The following FARS2 variants were observed in gnomAD, a reference collection of about 807,000 sequenced individuals.
The protein encoded by FARS2 is phenylalanyl-tRNA synthetase 2, mitochondrial, also known as phenylalanine--tRNA ligase, mitochondrial.
Under a neutral mutation model 46.4 loss-of-function variants are expected in FARS2, and 40 were observed. The observed-to-expected ratio is 0.86, with a 90% CI of 0.67 to 1.12. The LOEUF (loss-of-function observed/expected upper bound fraction) is 1.12, where lower values mean the gene tolerates loss of function less well. FARS2 is among the 50% of genes most tolerant of loss of function. The probability of loss-of-function intolerance (pLI) is 0.00; values close to 1 mark genes in which losing one functional copy is unlikely to be tolerated. For missense variants in FARS2, 513 were observed against 567.9 expected (o/e 0.90, Z 0.98); for synonymous variants, 234 against 214.9 (o/e 1.09, Z -0.78).
At chr6:5,286,021 G>C (rs896262694) in intron 1 of FARS2, among the ~76,000 whole-genome samples, 3 of 149,618 alleles carry the variant, frequency 2.0e-5, no homozygotes, top group Non-Finnish European at 3.0e-5. Context: ...TTTCACATGT[G>C]ATAGCTGTTC....
rs549567462 is a variant in FARS2, at chr6:5,307,473, T to A, written c.-22+45813T>A. On this transcript the variant is annotated intron_variant, in intron 1 of 6. Coordinates refer to ENST00000274680, the MANE Select transcript of FARS2 (RefSeq NM_006567.5). ...ATTTTCATAAGGTCTATGAGGCATT[T>A]TGATATTTTACACACACGCGTGCAC... Among the ~76,000 whole-genome samples the A allele has an allele frequency of 9.8e-5, 15 of 152,320 alleles. No homozygotes were observed. The South Asian group carries it at 2.9e-3, about 29-fold the overall frequency.
At chr6:5,522,847 A>T (rs1310956624) in intron 4 of FARS2, among the ~76,000 whole-genome samples, 1 of 152,244 alleles carries the variant, frequency 6.6e-6, no homozygotes, top group East Asian at 1.9e-4. Context: ...TACTTAGTTT[A>T]ACATGATGTG....
chr6:5,573,424 A>G (rs1003990725), intron 5 of FARS2, among the ~76,000 whole-genome samples: 7 of 152,174 alleles, frequency 4.6e-5, no homozygotes, highest in African/African-American at 1.7e-4. Flanking sequence ...GTGCGTGCAT[A>G]TAGACACGTG....
At chr6:5,604,295 G>A (rs559031127) in intron 5 of FARS2, among the ~76,000 whole-genome samples, 11 of 152,338 alleles carry the variant, frequency 7.2e-5, no homozygotes, top group African/African-American at 2.4e-4. Context: ...ACTCCTTGAG[G>A]CTTGCTGTTT....
At chr6:5,260,598 T>TGCCCCGGCCCCGGGGCC, upstream of FARS2, 1 of 1,105,568 alleles carries the variant, frequency 9.0e-7, no homozygotes, top group Non-Finnish European at 1.3e-6. Flanking sequence ...GCACCCCCGG[T>TGCCCCGGCCCCGGGGCC]CCCCGGCCCC....
intron 4 of FARS2, among the ~76,000 whole-genome samples, chr6:5,450,681 C>T (rs1455285487): frequency 1.0e-4 from 7 of 69,594 alleles, no homozygotes; most frequent in African/African-American, 1.4e-4. Flanking sequence ...CCAGACTTGG[C>T]GTGTGGGAGG....
chr6:5,655,095 G>A (rs1428736085), intron 6 of FARS2, among the ~76,000 whole-genome samples: 1 of 152,164 alleles, frequency 6.6e-6, no homozygotes, highest in East Asian at 1.9e-4. Flanking sequence ...AGTTTCAGGG[G>A]AGTCAAAGGT....
chr6:5,602,299 T>G (rs1305917406), intron 5 of FARS2, among the ~76,000 whole-genome samples: 1 of 152,162 alleles, frequency 6.6e-6, no homozygotes, highest in Non-Finnish European at 1.5e-5. Flanking sequence ...TTCTTGAGAA[T>G]GTTTATGAAC....
intron 1 of FARS2, among the ~76,000 whole-genome samples, chr6:5,271,186 C>A (rs62385049): frequency 6.6e-6 from 1 of 152,112 alleles, no homozygotes; most frequent in Non-Finnish European, 1.5e-5. Flanking sequence ...TCTTCTCTAA[C>A]GTAAATTTTA....
At chr6:5,566,133 G>T (rs1006814968) in intron 5 of FARS2, among the ~76,000 whole-genome samples, 2 of 152,166 alleles carry the variant, frequency 1.3e-5, no homozygotes, top group African/African-American at 4.8e-5. Context: ...GGAGAAGACA[G>T]CGTAGTGCTT....
In FARS2 at chr6:5,711,359, A is replaced by G. The variant is rs189740959; in HGVS notation, c.1218-59932A>G. Reference sequence around the variant, plus strand: ...CATGCACAGGAATTCCAAGTAATTCATACTCTTCCCCCAACAAGGTGGAAC... The same window carrying G: ...CATGCACAGGAATTCCAAGTAATTCGTACTCTTCCCCCAACAAGGTGGAAC... On this transcript the variant is annotated intron_variant, in intron 6 of 6. Transcript: ENST00000274680. 3.9e-4 allele frequency among the ~76,000 whole-genome samples: 60 copies of G among 152,336 alleles called. 1 individual carries two copies. The highest frequency in any genetic ancestry group is 1.4e-3 in the African/African-American group (57 of 41,566).
At chr6:5,355,523 AT>A (rs1317068174) in intron 1 of FARS2, among the ~76,000 whole-genome samples, 2 of 151,372 alleles carry the variant, frequency 1.3e-5, no homozygotes, top group African/African-American at 4.9e-5. Context: ...TGCCCGGCTA[AT>A]TTTTTTGTAA....
intron 6 of FARS2, among the ~76,000 whole-genome samples, chr6:5,709,326 A>G (rs1324640110): frequency 6.6e-6 from 1 of 152,100 alleles, no homozygotes; most frequent in South Asian, 2.1e-4. Context: ...CACCTTTTCC[A>G]TCCCAGCTGC....
chr6:5,332,281 C>T (rs1173286772), intron 1 of FARS2, among the ~76,000 whole-genome samples: 5 of 152,186 alleles, frequency 3.3e-5, no homozygotes, highest in Non-Finnish European at 1.5e-5. Flanking sequence ...TTTGCAGGGG[C>T]ATAGCACATC....
At position 5,471,596 on chromosome 6, in the gene FARS2, C is replaced by G. The variant is rs1765810282; in HGVS notation, c.904+40424C>G. Among the ~76,000 whole-genome samples the G allele has an allele frequency of 6.6e-6, 1 of 152,188 alleles. No homozygotes were observed. Among genetic ancestry groups the G allele is most frequent in the African/African-American group, 2.4e-5 (1 of 41,450 alleles). The stretch of plus-strand genomic sequence containing the variant: ...TTGTTAGATAGCTATTCTAGTGGCT[C>G]TTTGCTTTTAACCAACAAAGGCCCT... On this transcript the variant is annotated intron_variant, in intron 4 of 6. Transcript: ENST00000274680. The surrounding 1 kb of genome is among the most constrained non-coding windows in gnomAD (Gnocchi z 4.1).
chr6:5,444,391 C>T (rs751344246), intron 4 of FARS2, among the ~76,000 whole-genome samples: 5 of 138,834 alleles, frequency 3.6e-5, no homozygotes, highest in Admixed American at 1.6e-4. Flanking sequence ...CGCTTGAATC[C>T]GGGAGGCAGA....
At chr6:5,322,283 T>C (rs1261098881) in intron 1 of FARS2, among the ~76,000 whole-genome samples, 1 of 152,234 alleles carries the variant, frequency 6.6e-6, no homozygotes, top group African/African-American at 2.4e-5. Context: ...GTAAAATGAT[T>C]TTAATAACAC....
chr6:5,419,445 G>C (rs1762419415), intron 3 of FARS2, among the ~76,000 whole-genome samples: 1 of 151,884 alleles, frequency 6.6e-6, no homozygotes, highest in Non-Finnish European at 1.5e-5. Flanking sequence ...TTGGGTTGCA[G>C]GGTCATATTC....
At chr6:5,673,759 C>G (rs1024878862) in intron 6 of FARS2, among the ~76,000 whole-genome samples, 4 of 152,102 alleles carry the variant, frequency 2.6e-5, no homozygotes, top group Admixed American at 2.0e-4. Context: ...CAGATTTGCA[C>G]ACAGGGGTGC....
Sources: gnomAD v4.1 joint callset for allele counts (sites outside exome capture counted in the v4.1 genomes callset) on GRCh38, gnomAD v4.1.1 for gene constraint, Gnocchi (gnomAD v3.1) non-coding constraint, MANE v1.5 for transcripts, NCBI Gene and HGNC (gene_info 2026-07-23, HGNC 2026-07-21) for gene names.